Variants in KARS1 observed in about 807,000 individuals in gnomAD.
The protein encoded by KARS1 is lysine--tRNA ligase.
In KARS1, 50 loss-of-function variants were observed where a neutral mutation model predicts 63.9. The ratio of observed to expected loss-of-function variants is 0.78; its 90% CI spans 0.62 to 0.99. The LOEUF (loss-of-function observed/expected upper bound fraction) is 0.99, where lower values mean the gene tolerates loss of function less well. KARS1 is among the 50% of genes least tolerant of loss of function. KARS1 has a pLI of 0.00. For missense variants in KARS1, 816 were observed against 754.5 expected, an observed-to-expected ratio of 1.08 and a Z score of -0.95; for synonymous variants, 320 against 264.6, an observed-to-expected ratio of 1.21 and a Z score of -2.03.
chr16:75,640,971 G>A (rs11647615), intron 2 of KARS1, among the ~76,000 whole-genome samples: 1 of 152,110 alleles, frequency 6.6e-6, no homozygotes, highest in South Asian at 2.1e-4. Context: ...GGGAGCCCGA[G>A]GCGGGTGGAT....
chr16:75,632,109 C>T lies in KARS1; in HGVS notation c.916-254G>A, dbSNP rs777641131. ...TTCTCTGTATTGGTCAGGCTGGTCTCGAACTCCCGACCTCAGGTGATCTGC... is the reference window on the plus strand; with the variant it reads ...TTCTCTGTATTGGTCAGGCTGGTCTTGAACTCCCGACCTCAGGTGATCTGC... On this transcript the variant is annotated intron_variant, in intron 7 of 13. Transcript: ENST00000302445. Among the ~76,000 whole-genome samples the T allele has an allele frequency of 8.7e-4, 132 of 152,104 alleles. 2 individuals are homozygous for T. Among genetic ancestry groups the T allele is most frequent in the Admixed American group, 3.7e-3 (56 of 15,248 alleles).
intron 11 of KARS1, among the ~76,000 whole-genome samples, 154 bp downstream of exon 11, chr16:75,630,269 C>A (rs560523542): frequency 6.6e-6 from 1 of 152,268 alleles, no homozygotes; most frequent in East Asian, 1.9e-4. Context: ...AGTGCCCTGG[C>A]AGAATCCCCA....
At position 75,629,511 on chromosome 16, in the gene KARS1, G is replaced by A. The variant is rs1395541196; in HGVS notation, c.1455C>T (p.Arg485=). The A allele has an allele frequency of 6.2e-7, 1 of 1,614,042 alleles. No individual in the cohort carries two copies. Among genetic ancestry groups the A allele is most frequent in the Admixed American group, 1.7e-5 (1 of 60,008 alleles). The change falls in exon 12 of 14, where the codon CGC becomes CGT. Residue 485 remains arginine (R), a synonymous_variant. Transcript: ENST00000302445. ...WHRSKEGLTE[R]FELFVMKKEI... ...CTTTCTTCATGACAAACAGCTCAAAGCGCTCAGTCAGACCCTCTTTAGAGC... is the reference window on the plus strand; with the variant it reads ...CTTTCTTCATGACAAACAGCTCAAAACGCTCAGTCAGACCCTCTTTAGAGC...
rs751957482 is a variant in KARS1 at position 75,629,499 on chromosome 16, A to C, written c.1467T>G (p.Phe489Leu). The C allele has an allele frequency of 3.1e-6, 5 of 1,614,224 alleles. No individual in the cohort carries two copies. In the South Asian group the frequency reaches 5.5e-5, roughly 18 times the overall value. The change falls in exon 12 of 14, where the codon TTT becomes TTG. Residue 489 changes from phenylalanine (F) to leucine (L), a missense_variant. Coordinates refer to ENST00000302445, the MANE Select transcript of KARS1 (RefSeq NM_005548.3). ...CATTGCATATCTCTTTCTTCATGAC[A>C]AACAGCTCAAAGCGCTCAGTCAGAC... ...KEGLTERFEL[F>L]VMKKEICNAY...
chr16:75,633,491 C>T (rs2082132778), intron 7 of KARS1, among the ~76,000 whole-genome samples: 1 of 150,570 alleles, frequency 6.6e-6, no homozygotes, highest in African/African-American at 2.4e-5. Flanking sequence ...TTTGACAAGA[C>T]ATCTTTATAG....
intron 3 of KARS1, among the ~76,000 whole-genome samples, chr16:75,638,443 T>C (rs1165321299): frequency 6.6e-6 from 1 of 152,036 alleles, no homozygotes; most frequent in Non-Finnish European, 1.5e-5. Flanking sequence ...TGTCCATGTG[T>C]TCTTATTGTT....
rs760127912 is a variant in KARS1 at position 75,636,203 on chromosome 16, G to C, written c.483-105C>G. The C allele has an allele frequency of 4.0e-5, 31 of 776,074 alleles. 1 individual carries two copies. The highest frequency in any genetic ancestry group is 6.4e-5 in the Non-Finnish European group (29 of 451,914). The allele number at this position is 776,074 out of a possible 1,614,324, so 48.1% of individuals were successfully genotyped here. A position where few individuals can be genotyped will look rare whatever the true frequency, so the allele number is the denominator to read the frequency against. ...AACTGTTAATACCTAGTTAATGTGA[G>C]CCCAAGAAGGACGTCAGATTCAGGG... On this transcript the variant is annotated intron_variant, in intron 4 of 13. Coordinates refer to ENST00000302445, the MANE Select transcript of KARS1 (RefSeq NM_005548.3).
intron 9 of KARS1, 63 bp from the exon 10 acceptor site, chr16:75,631,316 A>G (rs1352419276): frequency 2.5e-6 from 4 of 1,578,874 alleles, no homozygotes; most frequent in Non-Finnish European, 3.5e-6. Context: ...AAATGTACAT[A>G]AAGAGAATAG....
In KARS1 at chr16:75,631,678, G is replaced by A. The variant is rs549200635; in HGVS notation, c.1078+15C>T. The A allele has an allele frequency of 6.2e-6, 10 of 1,614,174 alleles. No homozygotes were observed. The highest frequency in any genetic ancestry group is 5.3e-5 in the African/African-American group (4 of 75,052). ...TACCAACCACCCGATGAGTATGAGA[G>A]AGAGCAGGAGTCACCTGAAACCATC... On this transcript the variant is annotated intron_variant, in intron 8 of 13. Transcript: ENST00000302445.
At position 75,628,660 on chromosome 16, in the gene KARS1, G is replaced by A. The variant is rs1402238381; in HGVS notation, c.1604C>T (p.Thr535Ile). ...GGGGGGCAGCCCATATTCCAGGGCA[G>A]TACAGAAGTTTTCATCTATGAACAT... is the stretch of plus-strand genomic sequence containing the variant. ...EAMFIDENFC[T>I]ALEYGLPPTA... The change falls in exon 13 of 14, where the codon ACT (threonine) becomes ATT (isoleucine). Residue 535 changes from threonine to isoleucine, a missense_variant. Thr to Ile is a moderately conservative substitution (Grantham distance 89, BLOSUM62 -1). Coordinates refer to ENST00000302445, the MANE Select transcript of KARS1 (RefSeq NM_005548.3). 2 of 1,614,178 alleles carry A rather than the reference G, an allele frequency of 1.2e-6. No individual in the cohort carries two copies. The highest frequency in any genetic ancestry group is 1.7e-6 in the Non-Finnish European group (2 of 1,180,012).
chr16:75,642,377 A>G (rs1431948889), intron 1 of KARS1, among the ~76,000 whole-genome samples: 1 of 151,524 alleles, frequency 6.6e-6, no homozygotes, highest in African/African-American at 2.4e-5. Flanking sequence ...TAATTTATGT[A>G]TTTTTAGTGA....
chr16:75,640,088 T>A, intron 3 of KARS1, 96 bp downstream of exon 3: 1 of 1,020,918 alleles, frequency 9.8e-7, no homozygotes, highest in East Asian at 2.4e-5. Flanking sequence ...CACAGGCTAC[T>A]TGAGAACAAG....
chr16:75,639,361 C>G (rs2151808618), intron 3 of KARS1, among the ~76,000 whole-genome samples: 1 of 151,784 alleles, frequency 6.6e-6, no homozygotes, highest in South Asian at 2.1e-4. Context: ...CACCTGAGGT[C>G]AGGAGTTCGA....
At position 75,634,300 on chromosome 16, in the gene KARS1, A is replaced by C; in HGVS notation, c.796-8T>G. ...CATCATGGGAGTTTCAATCTAAAAA[A>C]GGCAGGGAGAAACATCAGTCCTTAG... is the stretch of plus-strand genomic sequence containing the variant. On this transcript the variant is annotated splice_polypyrimidine_tract_variant and splice_region_variant and intron_variant, in intron 6 of 13. Coordinates refer to ENST00000302445, the MANE Select transcript of KARS1 (RefSeq NM_005548.3). 6.2e-7 allele frequency: 1 copy of C among 1,613,834 alleles called. No homozygotes were observed. The highest frequency in any genetic ancestry group is 8.5e-7 in the Non-Finnish European group (1 of 1,179,842).
chr16:75,636,980 C>T (rs1158156751), intron 3 of KARS1, among the ~76,000 whole-genome samples: 5 of 148,052 alleles, frequency 3.4e-5, no homozygotes, highest in African/African-American at 5.0e-5. Context: ...CAATGCAAAG[C>T]AGTACAATCT....
intron 3 of KARS1, 93 bp downstream of exon 3, chr16:75,640,091 A>G (rs2082206299): frequency 7.6e-6 from 8 of 1,051,836 alleles, no homozygotes; most frequent in Non-Finnish European, 1.2e-5. Context: ...AGGCTACTTG[A>G]GAACAAGACC....
In KARS1 at chr16:75,641,696, C is replaced by A. The variant is rs2082226617; in HGVS notation, c.90G>T (p.Glu30Asp). Residue 30 changes from glutamate (E) to aspartate (D), a missense_variant, in exon 2 of 14, where the codon GAG becomes GAT. Coordinates refer to ENST00000302445, the MANE Select transcript of KARS1 (RefSeq NM_005548.3). Reference protein sequence around the residue: ...KNELKRRLKAEKKVAEKEAKQ... With the variant: ...KNELKRRLKADKKVAEKEAKQ... ...TGGCCTCCTTCTCTGCTACTTTCTT[C>A]TCAGCTTTCAGGCGTCTCTTCAGCT... The A allele has an allele frequency of 1.9e-6, 3 of 1,613,982 alleles. No homozygotes were observed. In the East Asian group the frequency reaches 6.7e-5, roughly 36 times the overall value.
intron 6 of KARS1, chr16:75,635,304 G>C: frequency 3.1e-6 from 1 of 321,944 alleles, no homozygotes; most frequent in South Asian, 2.6e-5. Flanking sequence ...TAGTCAGAAG[G>C]AGTGAAAGAG....
chr16:75,639,500 GGGCAGA>G (rs1385992849), intron 3 of KARS1, among the ~76,000 whole-genome samples: 1 of 150,232 alleles, frequency 6.7e-6, no homozygotes, highest in East Asian at 1.9e-4. Flanking sequence ...TGAACCTGGG[GGGCAGA>G]GGTTGCAGTA....
Sources: gnomAD v4.1 joint callset for allele counts (sites outside exome capture counted in the v4.1 genomes callset) on GRCh38, gnomAD v4.1.1 for gene constraint, MANE v1.5 for transcripts, NCBI Gene and HGNC (gene_info 2026-07-23, HGNC 2026-07-21) for gene names.